The following UBN2 variants were observed in gnomAD, a reference collection of about 807,000 sequenced individuals.
UBN2 encodes ubinuclein 2, also known as ubinuclein-2.
In UBN2, 35 loss-of-function variants were observed where a neutral mutation model predicts 120.2. That is an observed-to-expected ratio of 0.29 (90% CI 0.22 to 0.39). The LOEUF (loss-of-function observed/expected upper bound fraction) is 0.39, where lower values mean the gene tolerates loss of function less well. Among genes scored for constraint, UBN2 ranks in the 10% least tolerant of loss-of-function variants. The probability of loss-of-function intolerance (pLI) is 1.00; values close to 1 mark genes in which losing one functional copy is unlikely to be tolerated. For synonymous variants in UBN2, 661 were observed against 648.7 expected, an observed-to-expected ratio of 1.02 and a Z score of -0.29; for missense variants, 1,693 against 1,663.2, an observed-to-expected ratio of 1.02 and a Z score of -0.31.
intron 2 of UBN2, among the ~76,000 whole-genome samples, chr7:139,249,920 C>G (rs1796574926): frequency 6.6e-6 from 1 of 152,026 alleles, no homozygotes; most frequent in Non-Finnish European, 1.5e-5. Flanking sequence ...AGGCTAGTCT[C>G]AAACTCCTGG....
chr7:139,289,025 T>C (rs554676799), intron 15 of UBN2, among the ~76,000 whole-genome samples: 1 of 149,600 alleles, frequency 6.7e-6, no homozygotes, highest in East Asian at 2.0e-4. Context: ...AAAAAATTAA[T>C]GCCCACTACG....
Position 139,231,672 on chromosome 7 carries a change from C to G in UBN2, c.188C>G (p.Ala63Gly), listed in dbSNP as rs1796014842. ...CGGGAGCCTGCCCCCCGCTCGGACG[C>G]GCAGCCCCCGTCGCGGGAGAAGCCG... is the stretch of plus-strand genomic sequence containing the variant. The part of the protein sequence containing the change: ...APREPAPRSD[A>G]QPPSREKPLP... The change falls in exon 1 of 18, where the codon GCG becomes GGG. Residue 63 changes from alanine (A) to glycine (G), a missense_variant. By Grantham distance (60) the Ala-to-Gly change is moderately conservative. Coordinates refer to ENST00000473989, the MANE Select transcript of UBN2 (RefSeq NM_173569.4). 2 of 1,188,502 alleles carry G rather than the reference C, an allele frequency of 1.7e-6. No individual in the cohort carries two copies. The highest frequency in any genetic ancestry group is 8.1e-5 in the South Asian group (2 of 24,718). 73.6% of individuals were successfully genotyped at this position (1,188,502 alleles called of 1,614,324 possible).
At chr7:139,294,176 T>C (rs1397573980) in intron 17 of UBN2, among the ~76,000 whole-genome samples, 195 bp downstream of exon 17, 1 of 152,224 alleles carries the variant, frequency 6.6e-6, no homozygotes, top group Non-Finnish European at 1.5e-5. Context: ...CTGTAACATA[T>C]AAAAAGAGCC....
At chr7:139,279,165 C>A (rs1397327841) in intron 12 of UBN2, among the ~76,000 whole-genome samples, 153 bp from the exon 13 acceptor site, 1 of 152,164 alleles carries the variant, frequency 6.6e-6, no homozygotes, top group East Asian at 1.9e-4. Flanking sequence ...TTGCTACATA[C>A]TTCGTATAAA....
At chr7:139,288,284 A>T (rs949035728) in intron 15 of UBN2, among the ~76,000 whole-genome samples, 3 of 152,216 alleles carry the variant, frequency 2.0e-5, no homozygotes, top group Admixed American at 1.3e-4. Context: ...GGATAATATG[A>T]TAAAAGTGAT....
chr7:139,265,497 T>C (rs1322598334), intron 6 of UBN2, among the ~76,000 whole-genome samples: 1 of 152,154 alleles, frequency 6.6e-6, no homozygotes, highest in Non-Finnish European at 1.5e-5. Flanking sequence ...GAAATTTCTG[T>C]ATTAAGCCTT....
downstream of UBN2, among the ~76,000 whole-genome samples, chr7:139,312,020 C>T (rs1341444889): frequency 1.3e-5 from 2 of 152,134 alleles, no homozygotes; most frequent in Non-Finnish European, 2.9e-5. Flanking sequence ...AAACTACATG[C>T]GAGTATGTGC....
Position 139,231,661 on chromosome 7 carries a change from C to G in UBN2, c.177C>G (p.Pro59=). Residue 59 remains proline, a synonymous_variant, in exon 1 of 18, where the codon CCC becomes CCG. Transcript: ENST00000473989. ...AEPPAPREPA[P]RSDAQPPSRE... ...CGCCGGCCCCGCGGGAGCCTGCCCC[C>G]CGCTCGGACGCGCAGCCCCCGTCGC... 2.5e-6 allele frequency: 3 copies of G among 1,198,324 alleles called. No individual in the cohort carries two copies. The highest frequency in any genetic ancestry group is 3.1e-6 in the Non-Finnish European group (3 of 969,090). The allele number at this position is 1,198,324 out of a possible 1,614,324, so 74.2% of individuals were successfully genotyped here.
chr7:139,293,151 C>G (rs534033524), intron 15 of UBN2, 81 bp from the exon 16 acceptor site: 24 of 1,138,298 alleles, frequency 2.1e-5, no homozygotes, highest in Non-Finnish European at 2.9e-5. Context: ...CACAGTCTTG[C>G]ATCTGTGAGG....
In UBN2 at chr7:139,303,918, G is replaced by A. The variant is rs547461766; in HGVS notation, c.*6082G>A. On this transcript the variant is annotated 3_prime_UTR_variant, in exon 18 of 18. Coordinates refer to ENST00000473989, the MANE Select transcript of UBN2 (RefSeq NM_173569.4). ...TTTTACGGTGTTACTGTGATTTTTC[G>A]TCAAGGTTGTGGAGCTAAAGTTAGA... The A allele has an allele frequency of 1.3e-5, 2 of 152,066 alleles. No individual in the cohort carries two copies. Among genetic ancestry groups the A allele is most frequent in the Non-Finnish European group, 2.9e-5 (2 of 68,024 alleles). 9.4% of individuals were successfully genotyped at this position (152,066 alleles called of 1,614,324 possible).
chr7:139,319,673 GCT>G, the UBN2 span, among the ~76,000 whole-genome samples: 5 of 152,144 alleles, frequency 3.3e-5, no homozygotes, highest in Admixed American at 3.3e-4. Flanking sequence ...ACACGTTCCT[GCT>G]CTCTTTCTGG....
chr7:139,266,266 T>G, intron 6 of UBN2, 67 bp from the exon 7 acceptor site: 13 of 918,720 alleles, frequency 1.4e-5, no homozygotes, highest in Non-Finnish European at 2.2e-5. Context: ...TTTGAACACG[T>G]GTCCTAAGAA....
rs77493238 is a variant in UBN2 at position 139,269,331 on chromosome 7, G to C, written c.1467-63G>C. ...GAACAAGAACTGGCTTTGCTTTCTT[G>C]TCTGTGCAATGCCACCTAAAATAAA... On this transcript the variant is annotated intron_variant, in intron 7 of 17. Transcript: ENST00000473989. 126 of 1,513,650 alleles carry C rather than the reference G, an allele frequency of 8.3e-5. No homozygotes were observed. The African/African-American group carries it at 1.6e-3, about 19-fold the overall frequency. The allele number at this position is 1,513,650 out of a possible 1,614,324, so 93.8% of individuals were successfully genotyped here.
chr7:139,232,701 T>C (rs1796060781), intron 1 of UBN2, among the ~76,000 whole-genome samples: 1 of 152,216 alleles, frequency 6.6e-6, no homozygotes, highest in Non-Finnish European at 1.5e-5. Context: ...CGTCATATTA[T>C]TTAAGTGTAC....
chr7:139,329,600 T>C, the UBN2 span, among the ~76,000 whole-genome samples: 1 of 152,112 alleles, frequency 6.6e-6, no homozygotes, highest in Non-Finnish European at 1.5e-5. Context: ...TTCTAAGCCA[T>C]AGGAGTTTTT....
At chr7:139,281,870 T>A (rs1377283099) in intron 13 of UBN2, 135 bp from the exon 14 acceptor site, 1 of 710,660 alleles carries the variant, frequency 1.4e-6, no homozygotes, top group Non-Finnish European at 2.4e-6. Context: ...TTTGTGACCT[T>A]AATGCAGTTA....
chr7:139,288,694 T>G (rs1051478173), intron 15 of UBN2, among the ~76,000 whole-genome samples: 11 of 151,618 alleles, frequency 7.3e-5, no homozygotes, highest in African/African-American at 2.7e-4. Context: ...CAAAGTAGAG[T>G]ATGTGGTTTA....
At chr7:139,289,070 CT>C (rs1267311642) in intron 15 of UBN2, among the ~76,000 whole-genome samples, 1 of 151,598 alleles carries the variant, frequency 6.6e-6, no homozygotes, top group African/African-American at 2.4e-5. Context: ...GTTTTTTCCC[CT>C]GGGAATAAAA....
chr7:139,320,491 T>G, the UBN2 span, among the ~76,000 whole-genome samples: 1 of 151,740 alleles, frequency 6.6e-6, no homozygotes, highest in African/African-American at 2.4e-5. Context: ...CCCAACACTT[T>G]AAGGTAGCCT....
Sources: allele counts gnomAD v4.1 joint callset (sites outside exome capture counted in the v4.1 genomes callset), GRCh38; gene constraint gnomAD v4.1.1; transcripts MANE v1.5; gene names NCBI Gene and HGNC (gene_info 2026-07-23, HGNC 2026-07-21).